C16orf96: variants seen among roughly 807,000 people sequenced by gnomAD.
The protein encoded by C16orf96 is uncharacterized protein C16orf96.
A neutral mutation model predicts 103.6 loss-of-function variants in C16orf96; 108 were observed. The ratio of observed to expected loss-of-function variants is 1.04; its 90% CI spans 0.89 to 1.22. The LOEUF (loss-of-function observed/expected upper bound fraction) is 1.22, where lower values mean the gene tolerates loss of function less well. C16orf96 is among the 50% of genes most tolerant of loss of function. The probability of loss-of-function intolerance (pLI) is 0.00; values close to 1 mark genes in which losing one functional copy is unlikely to be tolerated. For synonymous variants in C16orf96, 566 were observed against 593.5 expected, an observed-to-expected ratio of 0.95 and a Z score of 0.67; for missense variants, 1,586 against 1,464.2, an observed-to-expected ratio of 1.08 and a Z score of -1.36.
rs1010317513 is a variant in C16orf96, at chr16:4,576,453, G to C, written c.1973G>C (p.Gly658Ala). The C allele has an allele frequency of 1.3e-6, 2 of 1,551,256 alleles. No homozygotes were observed. The highest frequency in any genetic ancestry group is 2.7e-5 in the African/African-American group (2 of 73,050). Reference protein sequence around the residue: ...LSPSYSAASIGPDPALSQAMV... With the variant: ...LSPSYSAASIAPDPALSQAMV... ...CCCTCCTACTCTGCTGCCAGCATCGGTCCCGATCCAGCCCTGTCCCAGGCC... is the reference window on the plus strand; with the variant it reads ...CCCTCCTACTCTGCTGCCAGCATCGCTCCCGATCCAGCCCTGTCCCAGGCC... Residue 658 changes from glycine to alanine, a missense_variant, in exon 5 of 16, where the codon GGT (glycine) becomes GCT (alanine). By Grantham distance (60) the Gly-to-Ala change is moderately conservative. Transcript: ENST00000444310.
At chr16:4,556,966 G>A (rs2059271571) in intron 1 of C16orf96, 57 bp downstream of exon 1, 3 of 1,461,374 alleles carry the variant, frequency 2.1e-6, no homozygotes, top group Middle Eastern at 1.8e-4. Context: ...GCTCTCTCCT[G>A]GGACGTCTTT....
intron 1 of C16orf96, among the ~76,000 whole-genome samples, chr16:4,557,137 T>A (rs1050468823): frequency 1.3e-5 from 2 of 152,242 alleles, no homozygotes; most frequent in South Asian, 2.1e-4. Flanking sequence ...ACCCGGCTAA[T>A]TTTTGTATTT....
rs947735549 is a variant in C16orf96, at chr16:4,593,996, G to A, written c.2868-355G>A. The stretch of plus-strand genomic sequence containing the variant: ...GTCTGGCCAGGTGGGGGAAGAACCG[G>A]TGAATCGTCACCACAGCCGTGGGAA... On this transcript the variant is annotated intron_variant, in intron 12 of 15. Coordinates refer to ENST00000444310, the MANE Select transcript of C16orf96 (RefSeq NM_001145011.2). The surrounding 1 kb of genome is among the most constrained non-coding windows in gnomAD (Gnocchi z 4.2). 2.0e-5 allele frequency among the ~76,000 whole-genome samples: 3 copies of A among 152,176 alleles called. No homozygotes were observed. The highest frequency in any genetic ancestry group is 7.2e-5 in the African/African-American group (3 of 41,440).
At chr16:4,566,930 G>A (rs1053415061) in intron 1 of C16orf96, among the ~76,000 whole-genome samples, 2 of 151,878 alleles carry the variant, frequency 1.3e-5, no homozygotes, top group African/African-American at 4.8e-5. Flanking sequence ...TGTCAATTTT[G>A]TTGACCTTTT....
At chr16:4,595,078 G>A (rs1192388607) in intron 14 of C16orf96, among the ~76,000 whole-genome samples, 2 of 152,238 alleles carry the variant, frequency 1.3e-5, no homozygotes, top group African/African-American at 4.8e-5. Context: ...TGTGACGAAG[G>A]ACGATGAGCT....
Position 4,593,348 on chromosome 16 carries a change from G to A in C16orf96, c.2867+32G>A, listed in dbSNP as rs1340130116. The A allele has an allele frequency of 9.8e-6, 15 of 1,529,476 alleles. No homozygotes were observed. Among genetic ancestry groups the A allele is most frequent in the South Asian group, 7.2e-5 (6 of 83,396 alleles). 94.7% of individuals were successfully genotyped at this position (1,529,476 alleles called of 1,614,324 possible). The stretch of plus-strand genomic sequence containing the variant: ...AGGATGGGCGCCCCGCAGGGAGGCC[G>A]CCCCGCATGGAGGCCACTCTGGAGC... On this transcript the variant is annotated intron_variant, in intron 12 of 15. Transcript: ENST00000444310. This position sits in a 1 kb window ranked among gnomAD's most constrained non-coding sequence, Gnocchi z 4.2.
In C16orf96 at chr16:4,592,343, G is replaced by A. The variant is rs575417646; in HGVS notation, c.2750G>A (p.Arg917Gln). Residue 917 changes from arginine (R) to glutamine (Q), a missense_variant, in exon 11 of 16, where the codon CGG (arginine) becomes CAG (glutamine). Physicochemically the swap from Arg to Gln is conservative, Grantham distance 43. Coordinates refer to ENST00000444310, the MANE Select transcript of C16orf96 (RefSeq NM_001145011.2). Reference protein sequence around the residue: ...FKRVKCISCDRPVEMMTGPQL... With the variant: ...FKRVKCISCDQPVEMMTGPQL... ...CGCGTGAAGTGCATCTCCTGTGACC[G>A]GCCTGTGGAGATGATGACTGGCCCG... The A allele has an allele frequency of 5.9e-5, 91 of 1,551,686 alleles. 1 individual carries two copies. The Middle Eastern group carries it at 1.7e-3, about 28-fold the overall frequency.
chr16:4,580,565 G>A (rs918783797), intron 7 of C16orf96, among the ~76,000 whole-genome samples: 1 of 152,096 alleles, frequency 6.6e-6, no homozygotes, highest in Non-Finnish European at 1.5e-5. Context: ...GAAATATTTA[G>A]GCTGGGTGCG....
chr16:4,584,808 A>G (rs1349909310), intron 7 of C16orf96, among the ~76,000 whole-genome samples: 1 of 152,068 alleles, frequency 6.6e-6, no homozygotes, highest in African/African-American at 2.4e-5. Context: ...TGCTGGGATT[A>G]CAGGCGTGAG....
chr16:4,592,177 G>T, intron 10 of C16orf96, 128 bp from the exon 11 acceptor site: 3 of 1,107,884 alleles, frequency 2.7e-6, no homozygotes, highest in Non-Finnish European at 3.9e-6. Context: ...AGACTGCAGG[G>T]CCTGTGGGGC....
chr16:4,558,808 G>A (rs567696089), intron 1 of C16orf96, among the ~76,000 whole-genome samples: 11 of 151,838 alleles, frequency 7.2e-5, no homozygotes, highest in African/African-American at 2.7e-4. Context: ...CCAGCTACTC[G>A]GGAGGCTGAG....
At chr16:4,542,625 C>T in the C16orf96 span, among the ~76,000 whole-genome samples, 7 of 151,786 alleles carry the variant, frequency 4.6e-5, no homozygotes, top group African/African-American at 1.5e-4. Context: ...AGTGAAACCC[C>T]GTCTCTACTA....
At chr16:4,580,814 C>T (rs2059575703) in intron 7 of C16orf96, among the ~76,000 whole-genome samples, 1 of 151,282 alleles carries the variant, frequency 6.6e-6, no homozygotes, top group Admixed American at 6.6e-5. Flanking sequence ...ATGGTGAAAC[C>T]CCGTCTCTTC....
At chr16:4,553,110 C>T (rs994210474), upstream of C16orf96, among the ~76,000 whole-genome samples, 3 of 152,188 alleles carry the variant, frequency 2.0e-5, no homozygotes, top group African/African-American at 7.2e-5. Flanking sequence ...GTCACCTCCC[C>T]AGAGGAGCCT....
intron 9 of C16orf96, among the ~76,000 whole-genome samples, chr16:4,590,904 C>T (rs796319432): frequency 2.0e-4 from 31 of 151,352 alleles, no homozygotes; most frequent in South Asian, 1.0e-3. Context: ...TGGGGGCACA[C>T]GCCTGTAATC....
At chr16:4,586,785 A>T (rs893046737) in intron 7 of C16orf96, among the ~76,000 whole-genome samples, 2 of 152,140 alleles carry the variant, frequency 1.3e-5, no homozygotes, top group South Asian at 2.1e-4. Context: ...CCTTGGGTCT[A>T]ACTCCCCGTG....
intron 2 of C16orf96, among the ~76,000 whole-genome samples, chr16:4,573,560 C>G (rs186505770): frequency 1.1e-3 from 160 of 151,014 alleles, no homozygotes; most frequent in African/African-American, 1.7e-3. Flanking sequence ...AGACCATCCT[C>G]GCTAACACGG....
intron 14 of C16orf96, among the ~76,000 whole-genome samples, chr16:4,596,943 C>T (rs1897185295): frequency 6.6e-6 from 1 of 152,258 alleles, no homozygotes; most frequent in African/African-American, 2.4e-5. Flanking sequence ...CTCCTCTGTC[C>T]CCCATAAGGA....
chr16:4,544,803 C>G, the C16orf96 span, among the ~76,000 whole-genome samples: 1 of 152,070 alleles, frequency 6.6e-6, no homozygotes, highest in African/African-American at 2.4e-5. Context: ...CCTCAGCTCC[C>G]TCACCTCCAA....
Sources: gnomAD v4.1 joint callset for allele counts (sites outside exome capture counted in the v4.1 genomes callset) on GRCh38, gnomAD v4.1.1 for gene constraint, Gnocchi (gnomAD v3.1) non-coding constraint, MANE v1.5 for transcripts, NCBI Gene and HGNC (gene_info 2026-07-23, HGNC 2026-07-21) for gene names.